Variants in SCFD2 observed in about 807,000 individuals in gnomAD.
SCFD2 encodes the protein sec1 family domain-containing protein 2.
A neutral mutation model predicts 58.9 loss-of-function variants in SCFD2; 54 were observed. The ratio of observed to expected loss-of-function variants is 0.92; its 90% CI spans 0.74 to 1.15. The LOEUF (loss-of-function observed/expected upper bound fraction) is 1.15. SCFD2 is among the 50% of genes most tolerant of loss of function. The probability of loss-of-function intolerance (pLI) is 0.00; values close to 1 mark genes in which losing one functional copy is unlikely to be tolerated. For synonymous variants in SCFD2, 321 were observed against 335.9 expected (o/e 0.96, Z 0.49); for missense variants, 805 against 836.6 (o/e 0.96, Z 0.47).
chr4:53,281,500 T>C (rs573654479), intron 3 of SCFD2, among the ~76,000 whole-genome samples: 2 of 152,322 alleles, frequency 1.3e-5, no homozygotes, highest in South Asian at 2.1e-4. Flanking sequence ...CAAATGTTAA[T>C]TCAACAGTTG....
chr4:53,243,705 A>AT (rs1311713703), intron 4 of SCFD2, among the ~76,000 whole-genome samples: 2 of 151,382 alleles, frequency 1.3e-5, no homozygotes, highest in Admixed American at 1.3e-4. Flanking sequence ...GAAAAAAAAA[A>AT]GAGAGAAAAA....
At chr4:53,125,321 G>A (rs1341742389) in intron 5 of SCFD2, among the ~76,000 whole-genome samples, 1 of 152,216 alleles carries the variant, frequency 6.6e-6, no homozygotes, top group South Asian at 2.1e-4. Flanking sequence ...AGAGAATACA[G>A]AAGGGATCTT....
At chr4:52,974,656 T>C (rs1721202968) in intron 5 of SCFD2, among the ~76,000 whole-genome samples, 2 of 152,000 alleles carry the variant, frequency 1.3e-5, no homozygotes, top group African/African-American at 2.4e-5. Context: ...CTTCACAGAA[T>C]TGGAAAAAAC....
At chr4:53,350,235 A>G (rs1306499842) in intron 2 of SCFD2, among the ~76,000 whole-genome samples, 2 of 152,190 alleles carry the variant, frequency 1.3e-5, no homozygotes, top group African/African-American at 2.4e-5. Context: ...TGATATTAGC[A>G]TAATTCTAGT....
intron 4 of SCFD2, among the ~76,000 whole-genome samples, chr4:53,167,661 A>G (rs1727049419): frequency 6.6e-6 from 1 of 152,200 alleles, no homozygotes; most frequent in Non-Finnish European, 1.5e-5. Context: ...AATTTTGTTT[A>G]AAAATGATCT....
intron 7 of SCFD2, 114 bp downstream of exon 7, chr4:52,907,343 A>C: frequency 9.4e-7 from 1 of 1,064,154 alleles, no homozygotes; most frequent in Non-Finnish European, 1.4e-6. Flanking sequence ...GAAGAGCCAA[A>C]ATACCAAATG....
intron 4 of SCFD2, among the ~76,000 whole-genome samples, chr4:53,149,271 CAA>C (rs1726433996): frequency 6.6e-6 from 1 of 152,144 alleles, no homozygotes; most frequent in Non-Finnish European, 1.5e-5. Flanking sequence ...GATGAGTCTG[CAA>C]AGTCTTTTTT....
chr4:53,251,194 A>G (rs1298183404), intron 4 of SCFD2, among the ~76,000 whole-genome samples: 1 of 152,230 alleles, frequency 6.6e-6, no homozygotes, highest in Admixed American at 6.5e-5. Context: ...AAGAAGTTGA[A>G]TCTCTGAATG....
At chr4:53,353,469 T>C (rs1734302254) in intron 1 of SCFD2, among the ~76,000 whole-genome samples, 1 of 152,200 alleles carries the variant, frequency 6.6e-6, no homozygotes, top group African/African-American at 2.4e-5. Context: ...AGGTTGCCAC[T>C]GCTGTCTCGG....
Position 53,313,667 on chromosome 4 carries a change from G to A in SCFD2, c.1104C>T (p.Ser368=). ...TCATCTTGATTGGCAGGTTTTCTCT[G>A]CTTGCCGCTTCCACTAGATGTCTCC... The part of the protein sequence containing the change: ...EVRRHLVEAA[S]RENLPIKMSM... The change falls in exon 3 of 9, where the codon AGC becomes AGT. Residue 368 remains serine, a synonymous_variant. Coordinates refer to ENST00000401642, the MANE Select transcript of SCFD2 (RefSeq NM_152540.4). 6.2e-7 allele frequency: 1 copy of A among 1,613,902 alleles called. No individual in the cohort carries two copies. The highest frequency in any genetic ancestry group is 8.5e-7 in the Non-Finnish European group (1 of 1,179,904).
chr4:53,247,565 A>C (rs1235402177), intron 4 of SCFD2, among the ~76,000 whole-genome samples: 3 of 152,196 alleles, frequency 2.0e-5, no homozygotes, highest in Non-Finnish European at 4.4e-5. Context: ...AGCCATAAAA[A>C]ATAACAAGAT....
chr4:52,924,982 G>C (rs897652924), intron 5 of SCFD2, among the ~76,000 whole-genome samples: 2 of 152,154 alleles, frequency 1.3e-5, no homozygotes, highest in African/African-American at 4.8e-5. Context: ...GATAATAGTA[G>C]TATATAAGCG....
intron 4 of SCFD2, among the ~76,000 whole-genome samples, chr4:53,263,427 G>A (rs146974715): frequency 9.8e-4 from 149 of 152,254 alleles, no homozygotes; most frequent in African/African-American, 2.9e-3. Flanking sequence ...AGATTATTTC[G>A]TCTCATGGGG....
At chr4:53,176,843 G>A (rs541951448) in intron 4 of SCFD2, among the ~76,000 whole-genome samples, 1 of 151,630 alleles carries the variant, frequency 6.6e-6, no homozygotes, top group Non-Finnish European at 1.5e-5. Context: ...CAGCTATTCG[G>A]TATGCTGAGG....
At chr4:53,285,123 T>C (rs769695860) in intron 3 of SCFD2, among the ~76,000 whole-genome samples, 17 of 152,190 alleles carry the variant, frequency 1.1e-4, no homozygotes, top group Non-Finnish European at 4.4e-5. Context: ...TCCGGAGTCA[T>C]GAACAGAAAA....
intron 4 of SCFD2, among the ~76,000 whole-genome samples, chr4:53,188,064 C>G (rs766049578): frequency 4.6e-5 from 7 of 151,828 alleles, no homozygotes; most frequent in Non-Finnish European, 7.4e-5. Flanking sequence ...AAAATTCAAT[C>G]AAATACAAAA....
At chr4:53,339,326 T>C (rs1423779761) in intron 2 of SCFD2, among the ~76,000 whole-genome samples, 1 of 150,764 alleles carries the variant, frequency 6.6e-6, no homozygotes, top group Non-Finnish European at 1.5e-5. Flanking sequence ...TGTTATTACA[T>C]ATATATGTAT....
intron 5 of SCFD2, among the ~76,000 whole-genome samples, chr4:53,101,743 T>A (rs978497405): frequency 6.6e-6 from 1 of 152,146 alleles, no homozygotes; most frequent in Non-Finnish European, 1.5e-5. Context: ...AAATGTAGAC[T>A]TGAACAAATG....
intron 4 of SCFD2, among the ~76,000 whole-genome samples, chr4:53,261,262 T>C (rs1443389251): frequency 6.6e-6 from 1 of 152,168 alleles, no homozygotes; most frequent in African/African-American, 2.4e-5. Flanking sequence ...TTATGTCTTT[T>C]CTTCTGCTGG....
Sources: gnomAD v4.1 joint callset for allele counts (sites outside exome capture counted in the v4.1 genomes callset) on GRCh38, gnomAD v4.1.1 for gene constraint, MANE v1.5 for transcripts, NCBI Gene and HGNC (gene_info 2026-07-23, HGNC 2026-07-21) for gene names.